RBFOX1: variants seen among roughly 807,000 people sequenced by gnomAD.
RBFOX1 encodes RNA binding protein fox-1 homolog 1.
RBFOX1 carries 8 observed loss-of-function variants against 57.7 expected under a neutral mutation model. That is an observed-to-expected ratio of 0.14 (90% CI 0.08 to 0.25). The LOEUF (loss-of-function observed/expected upper bound fraction) is 0.25, where lower values mean the gene tolerates loss of function less well. RBFOX1 is among the 10% of genes least tolerant of loss of function. RBFOX1 has a pLI of 1.00. For synonymous variants in RBFOX1, 326 were observed against 222.4 expected (o/e 1.47, Z -4.15); for missense variants, 611 against 548.5 (o/e 1.11, Z -1.14).
At chr16:6,165,556 A>T (rs1244492995) in intron 1 of RBFOX1, among the ~76,000 whole-genome samples, 2 of 152,224 alleles carry the variant, frequency 1.3e-5, no homozygotes, top group African/African-American at 4.8e-5. Context: ...ATTTTGAGTT[A>T]GAATTTTCTC....
chr16:6,497,774 C>G (rs1487098840), intron 2 of RBFOX1, among the ~76,000 whole-genome samples: 1 of 151,918 alleles, frequency 6.6e-6, no homozygotes, highest in African/African-American at 2.4e-5. Flanking sequence ...CCAGGCTGAC[C>G]TCGAACTCCT....
At chr16:5,623,671 C>T (rs941524284) in intron 3 of RBFOX1, among the ~76,000 whole-genome samples, 2 of 152,148 alleles carry the variant, frequency 1.3e-5, no homozygotes, top group African/African-American at 4.8e-5. Context: ...ATGTCTCTCT[C>T]TCTTCTCCCT....
At chr16:6,426,325 C>T (rs1377100547) in intron 2 of RBFOX1, among the ~76,000 whole-genome samples, 1 of 150,550 alleles carries the variant, frequency 6.6e-6, no homozygotes, top group African/African-American at 2.5e-5. Context: ...AAGGGAGAGA[C>T]AGAAGAGAGA....
intron 2 of RBFOX1, among the ~76,000 whole-genome samples, chr16:6,410,018 A>G (rs2093405912): frequency 6.6e-6 from 1 of 152,122 alleles, no homozygotes; most frequent in African/African-American, 2.4e-5. Flanking sequence ...TTTGTCCTCT[A>G]CGAGGCAAAG....
chr16:6,987,762 G>C (rs903542276), intron 3 of RBFOX1, among the ~76,000 whole-genome samples: 3 of 152,188 alleles, frequency 2.0e-5, no homozygotes, highest in African/African-American at 7.2e-5. Context: ...GCAGATAGCA[G>C]AGGGGAGGAG....
At chr16:5,762,356 G>A (rs200255885) in intron 3 of RBFOX1, among the ~76,000 whole-genome samples, 18 of 145,742 alleles carry the variant, frequency 1.2e-4, no homozygotes, top group East Asian at 8.0e-4. Flanking sequence ...CGAACAAAAA[G>A]AAAAAAAAAA....
chr16:5,344,224 T>TGCCC (rs1423495795), intron 1 of RBFOX1, among the ~76,000 whole-genome samples: 6 of 152,222 alleles, frequency 3.9e-5, no homozygotes, highest in African/African-American at 1.4e-4. Flanking sequence ...GTTGGCCTCT[T>TGCCC]GCCCTAGGTT....
intron 3 of RBFOX1, among the ~76,000 whole-genome samples, chr16:5,663,245 C>T (rs183684908): frequency 4.1e-4 from 63 of 152,272 alleles, no homozygotes; most frequent in African/African-American, 1.5e-3. Context: ...GAATCTTGTT[C>T]TGTCACCCGG....
intron 3 of RBFOX1, among the ~76,000 whole-genome samples, chr16:5,753,969 T>A (rs2053307412): frequency 6.6e-6 from 1 of 152,198 alleles, no homozygotes; most frequent in African/African-American, 2.4e-5. Context: ...TTATCTAGCC[T>A]CTCCACGTAG....
chr16:6,563,933 A>G (rs1330904615), intron 2 of RBFOX1, among the ~76,000 whole-genome samples: 1 of 151,602 alleles, frequency 6.6e-6, no homozygotes, highest in African/African-American at 2.4e-5. Context: ...TATATATCCC[A>G]TTAGGTCTGC....
chr16:6,184,840 T>C (rs992987444), intron 1 of RBFOX1, among the ~76,000 whole-genome samples: 2 of 152,168 alleles, frequency 1.3e-5, no homozygotes, highest in Admixed American at 1.3e-4. Flanking sequence ...GTGCTGGGAT[T>C]ATAGGCATGA....
chr16:6,953,081 A>G (rs1433412171), intron 3 of RBFOX1, among the ~76,000 whole-genome samples: 2 of 152,222 alleles, frequency 1.3e-5, no homozygotes, highest in East Asian at 1.9e-4. Context: ...CCAAGCCACA[A>G]ATACAAAAAC....
chr16:5,548,612 C>A (rs988138455), intron 2 of RBFOX1, among the ~76,000 whole-genome samples: 38 of 152,032 alleles, frequency 2.5e-4, no homozygotes, highest in Middle Eastern at 3.4e-3. Flanking sequence ...AACATCTCAT[C>A]TACCCCATAA....
chr16:6,158,357 G>T (rs1365022380), intron 1 of RBFOX1, among the ~76,000 whole-genome samples: 1 of 152,242 alleles, frequency 6.6e-6, no homozygotes, highest in African/African-American at 2.4e-5. Flanking sequence ...CAGAAGTTCA[G>T]TGGGGTTCAG....
chr16:7,269,761 G>T (rs918565316), intron 4 of RBFOX1, among the ~76,000 whole-genome samples: 1 of 151,986 alleles, frequency 6.6e-6, no homozygotes, highest in Non-Finnish European at 1.5e-5. Flanking sequence ...ATATTTCCTT[G>T]GACTAAATGC....
intron 5 of RBFOX1, among the ~76,000 whole-genome samples, chr16:7,540,602 C>A (rs1015598471): frequency 6.6e-5 from 10 of 152,216 alleles, no homozygotes; most frequent in Admixed American, 1.3e-4. Context: ...TCTGCTGTCT[C>A]TATGGTTGTT....
intron 3 of RBFOX1, among the ~76,000 whole-genome samples, chr16:6,753,950 G>C (rs1337933431): frequency 1.3e-5 from 2 of 152,070 alleles, no homozygotes; most frequent in Non-Finnish European, 2.9e-5. Context: ...AAGGAGAAGA[G>C]AATCACTCCT....
intron 3 of RBFOX1, among the ~76,000 whole-genome samples, chr16:6,956,597 A>T (rs892981368): frequency 6.6e-5 from 10 of 152,172 alleles, no homozygotes; most frequent in Admixed American, 5.9e-4. Context: ...GAGACAGAGG[A>T]GTGAGTGGTT....
intron 2 of RBFOX1, among the ~76,000 whole-genome samples, chr16:6,327,506 C>T (rs978311297): frequency 1.3e-5 from 2 of 151,936 alleles, no homozygotes; most frequent in South Asian, 2.1e-4. Flanking sequence ...ACAGTCAGTT[C>T]GTTGTATTTT....
Sources: allele counts gnomAD v4.1 joint callset (sites outside exome capture counted in the v4.1 genomes callset), GRCh38; gene constraint gnomAD v4.1.1; transcripts MANE v1.5; gene names NCBI Gene and HGNC (gene_info 2026-07-23, HGNC 2026-07-21).